SDK1: variants seen among roughly 807,000 people sequenced by gnomAD.
SDK1 encodes the protein sidekick cell adhesion molecule 1.
In SDK1, 157 loss-of-function variants were observed where a neutral mutation model predicts 245.5. The observed-to-expected ratio is 0.64, with a 90% confidence interval of 0.56 to 0.73. The LOEUF is 0.73. SDK1 is among the 30% of genes least tolerant of loss of function. SDK1 has a pLI of 0.00. For synonymous variants in SDK1, 1,647 were observed against 1,278.5 expected (o/e 1.29, Z -6.15); for missense variants, 3,583 against 3,002.3 (o/e 1.19, Z -4.52).
At chr7:3,720,077 C>G (rs894564929) in intron 4 of SDK1, among the ~76,000 whole-genome samples, 92 of 151,258 alleles carry the variant, frequency 6.1e-4, no homozygotes, top group South Asian at 3.8e-3. Flanking sequence ...GTACGATTTA[C>G]AAAAATAAAA....
chr7:3,331,775 C>T lies in SDK1; in HGVS notation c.298+29891C>T, dbSNP rs573051941. Reference sequence around the variant, plus strand: ...TTTTTTTTGATCTCAATCACTTATTCCTTGAAGATAATCTCAGATGCAGCT... The same window carrying T: ...TTTTTTTTGATCTCAATCACTTATTTCTTGAAGATAATCTCAGATGCAGCT... On this transcript the variant is annotated intron_variant, in intron 1 of 44. Transcript: ENST00000404826. Among the ~76,000 whole-genome samples the T allele has an allele frequency of 9.0e-4, 137 of 152,032 alleles. No individual in the cohort carries two copies. The Middle Eastern group carries it at 0.024, about 26-fold the overall frequency.
intron 4 of SDK1, among the ~76,000 whole-genome samples, chr7:3,680,625 G>C (rs528990468): frequency 1.6e-4 from 24 of 152,220 alleles, no homozygotes; most frequent in Admixed American, 7.2e-4. Flanking sequence ...ATCTTCTTAT[G>C]AATTATTATT....
rs1583867711 is a variant in SDK1 at position 4,026,452 on chromosome 7, G to A, written c.2602+9100G>A. Among the ~76,000 whole-genome samples the A allele has an allele frequency of 1.3e-5, 2 of 152,212 alleles. No homozygotes were observed. The highest frequency in any genetic ancestry group is 4.8e-5 in the African/African-American group (2 of 41,448). Reference sequence around the variant, plus strand: ...TAACTGACTTCAGAGTCAGACGACTGGCTTCACGAGGGCCCGGTGTGCAGA... The same window carrying A: ...TAACTGACTTCAGAGTCAGACGACTAGCTTCACGAGGGCCCGGTGTGCAGA... On this transcript the variant is annotated intron_variant, in intron 17 of 44. Transcript: ENST00000404826. The surrounding 1 kb of genome is among the most constrained non-coding windows in gnomAD (Gnocchi z 4.1).
At chr7:3,795,244 G>C (rs1351196645) in intron 4 of SDK1, among the ~76,000 whole-genome samples, 1 of 152,128 alleles carries the variant, frequency 6.6e-6, no homozygotes, top group Non-Finnish European at 1.5e-5. Context: ...ATGGGACCAT[G>C]TGCTGTGGCT....
At chr7:3,419,692 T>A (rs1779484588) in intron 1 of SDK1, among the ~76,000 whole-genome samples, 1 of 152,206 alleles carries the variant, frequency 6.6e-6, no homozygotes, top group South Asian at 2.1e-4. Flanking sequence ...CTGAATTACA[T>A]GTACACCTTT....
chr7:3,506,590 A>G (rs1458920824), intron 1 of SDK1, among the ~76,000 whole-genome samples: 1 of 152,074 alleles, frequency 6.6e-6, no homozygotes, highest in Non-Finnish European at 1.5e-5. Context: ...TTATCATATT[A>G]TATTGTTTGC....
chr7:3,593,859 G>GT (rs1780967844), intron 1 of SDK1, among the ~76,000 whole-genome samples: 1 of 152,126 alleles, frequency 6.6e-6, no homozygotes, highest in Non-Finnish European at 1.5e-5. Context: ...CTGTGTGCCC[G>GT]TTTTCTCATT....
At chr7:3,832,271 G>T (rs1779930964) in intron 5 of SDK1, among the ~76,000 whole-genome samples, 1 of 152,168 alleles carries the variant, frequency 6.6e-6, no homozygotes, top group South Asian at 2.1e-4. Flanking sequence ...TTATTGAGAT[G>T]ATTTATATCG....
At chr7:3,600,986 A>T (rs1562593743) in intron 1 of SDK1, among the ~76,000 whole-genome samples, 1 of 151,482 alleles carries the variant, frequency 6.6e-6, no homozygotes, top group African/African-American at 2.4e-5. Context: ...AGCTCACCTA[A>T]TTTTTTTCCT....
At chr7:3,602,874 C>G (rs1368912695) in intron 1 of SDK1, among the ~76,000 whole-genome samples, 4 of 152,110 alleles carry the variant, frequency 2.6e-5, no homozygotes, top group African/African-American at 7.2e-5. Flanking sequence ...GGAAGGGAAT[C>G]CAGTTTCAGC....
At chr7:3,875,461 G>C (rs1781053110) in intron 5 of SDK1, among the ~76,000 whole-genome samples, 1 of 152,184 alleles carries the variant, frequency 6.6e-6, no homozygotes, top group African/African-American at 2.4e-5. Context: ...AAACTGTTTA[G>C]TCCCACATAG....
At chr7:3,893,463 C>T (rs751715679) in intron 5 of SDK1, among the ~76,000 whole-genome samples, 1 of 151,964 alleles carries the variant, frequency 6.6e-6, no homozygotes, top group Non-Finnish European at 1.5e-5. Context: ...ACTCAAGTAG[C>T]TGTTATTATT....
At chr7:4,216,549 A>G (rs922000346) in intron 38 of SDK1, among the ~76,000 whole-genome samples, 1 of 152,244 alleles carries the variant, frequency 6.6e-6, no homozygotes, top group African/African-American at 2.4e-5. Context: ...TATTTTGCTC[A>G]TGGAGTCTGT....
intron 17 of SDK1, among the ~76,000 whole-genome samples, chr7:4,027,732 A>C (rs1434713664): frequency 6.6e-6 from 1 of 152,164 alleles, no homozygotes; most frequent in Non-Finnish European, 1.5e-5. Flanking sequence ...ATTTCATCAC[A>C]TTATATGACT....
chr7:3,638,030 T>C (rs1343827061), intron 2 of SDK1, among the ~76,000 whole-genome samples: 1 of 152,278 alleles, frequency 6.6e-6, no homozygotes, highest in East Asian at 1.9e-4. Context: ...GAGAGAATTA[T>C]AAACGATTTT....
intron 27 of SDK1, among the ~76,000 whole-genome samples, chr7:4,131,210 T>C (rs1301669455): frequency 1.3e-5 from 2 of 152,212 alleles, no homozygotes; most frequent in East Asian, 1.9e-4. Flanking sequence ...ACTGCAACTG[T>C]TCCCTCCTGA....
rs561998612 is a variant in SDK1, at chr7:4,233,293, C to T, written c.5866C>T (p.Arg1956Trp). 1.9e-4 allele frequency: 308 copies of T among 1,613,890 alleles called. 3 individuals are homozygous for T. In the South Asian group the frequency reaches 2.1e-3, roughly 11 times the overall value. The stretch of plus-strand genomic sequence containing the variant: ...GGACATGTTTGTGAAGGACATCCCG[C>T]GGAGCGCCACATCCTACACCCTCAG... ...LWDMFVKDIP[R>W]SATSYTLSLD... Residue 1956 changes from arginine to tryptophan, a missense_variant, in exon 41 of 45, where the codon CGG becomes TGG. By Grantham distance (101) the Arg-to-Trp change is moderately radical. Transcript: ENST00000404826.
At chr7:4,139,675 A>ATGTGTGTGTG (rs1779416772) in intron 28 of SDK1, among the ~76,000 whole-genome samples, 1 of 17,544 alleles carries the variant, frequency 5.7e-5, no homozygotes, top group Non-Finnish European at 1.1e-4. Flanking sequence ...GTGTGTGTGT[A>ATGTGTGTGTG]TATGTGTGTG....
In SDK1 at chr7:4,147,773, C is replaced by T. The variant is rs181527976; in HGVS notation, c.4424-1489C>T. ...CCTGGGTATCAGCACTCAGGGCTGT[C>T]GGCTTCTCAGGAAGATGGTAATGGC... On this transcript the variant is annotated intron_variant, in intron 29 of 44. Coordinates refer to ENST00000404826, the MANE Select transcript of SDK1 (RefSeq NM_152744.4). 2.0e-3 allele frequency among the ~76,000 whole-genome samples: 300 copies of T among 152,292 alleles called. 3 individuals are homozygous for T. The highest frequency in any genetic ancestry group is 3.2e-3 in the Non-Finnish European group (217 of 68,024).
Sources: gnomAD v4.1 joint callset for allele counts (sites outside exome capture counted in the v4.1 genomes callset) on GRCh38, gnomAD v4.1.1 for gene constraint, Gnocchi (gnomAD v3.1) non-coding constraint, MANE v1.5 for transcripts, NCBI Gene and HGNC (gene_info 2026-07-23, HGNC 2026-07-21) for gene names.